Variants in RUNX2 observed in about 807,000 individuals in gnomAD.
The protein encoded by RUNX2 is RUNX family transcription factor 2.
Under a neutral mutation model 51.7 loss-of-function variants are expected in RUNX2, and 10 were observed. The observed-to-expected ratio is 0.19, with a 90% CI of 0.12 to 0.33. The LOEUF (loss-of-function observed/expected upper bound fraction) is 0.33, where lower values mean the gene tolerates loss of function less well. Ranked by LOEUF, RUNX2 falls within the 10% of genes least tolerant of loss-of-function variation. The pLI is 1.00. For synonymous variants in RUNX2, 276 were observed against 273.6 expected, an observed-to-expected ratio of 1.01 and a Z score of -0.09; for missense variants, 562 against 691.3, an observed-to-expected ratio of 0.81 and a Z score of 2.10.
chr6:45,402,058 T>C (rs1198028425), intron 2 of RUNX2, among the ~76,000 whole-genome samples: 3 of 152,188 alleles, frequency 2.0e-5, no homozygotes, highest in Admixed American at 2.0e-4. Flanking sequence ...TCAAGGAAAG[T>C]GTTGGTTAAT....
chr6:45,489,865 T>C (rs1350467756), intron 5 of RUNX2, among the ~76,000 whole-genome samples: 1 of 152,206 alleles, frequency 6.6e-6, no homozygotes, highest in South Asian at 2.1e-4. Context: ...ATTATTAACT[T>C]TGTAATTGAA....
intron 5 of RUNX2, among the ~76,000 whole-genome samples, chr6:45,490,925 A>T (rs1171573054): frequency 6.6e-6 from 1 of 152,218 alleles, no homozygotes; most frequent in East Asian, 1.9e-4. Context: ...TTAGCATTGC[A>T]TTTGTCCCCA....
At chr6:45,350,303 A>G (rs1370613035) in intron 2 of RUNX2, among the ~76,000 whole-genome samples, 3 of 152,212 alleles carry the variant, frequency 2.0e-5, no homozygotes, top group African/African-American at 7.2e-5. Context: ...GTATATAATA[A>G]TCTTCTAGAT....
At chr6:45,464,529 G>A (rs1464364782) in intron 5 of RUNX2, among the ~76,000 whole-genome samples, 4 of 152,066 alleles carry the variant, frequency 2.6e-5, no homozygotes, top group African/African-American at 4.8e-5. Flanking sequence ...TATCTACAGC[G>A]GCCCTTGGGT....
At chr6:45,492,248 G>A in intron 6 of RUNX2, 134 bp downstream of exon 6, 1 of 771,188 alleles carries the variant, frequency 1.3e-6, no homozygotes, top group Non-Finnish European at 2.2e-6. Context: ...AAGACTTGAA[G>A]ACACTGATTT....
At chr6:45,360,388 A>C (rs993823449) in intron 2 of RUNX2, among the ~76,000 whole-genome samples, 1 of 152,206 alleles carries the variant, frequency 6.6e-6, no homozygotes, top group Non-Finnish European at 1.5e-5. Flanking sequence ...GCACCCTTGG[A>C]ATTACAGTAT....
chr6:45,340,730 G>A (rs1789610857), intron 2 of RUNX2, among the ~76,000 whole-genome samples: 1 of 151,962 alleles, frequency 6.6e-6, no homozygotes, highest in Non-Finnish European at 1.5e-5. Context: ...TACTCTATGT[G>A]ATATAAAAAT....
Position 45,459,503 on chromosome 6 carries a change from G to A in RUNX2, c.685+21452G>A, listed in dbSNP as rs146272391. ...TTTGGAAGAATTAAAATATGGTCCT[G>A]GAGATAGTGCTATAATTAATAAACA... is the stretch of plus-strand genomic sequence containing the variant. On this transcript the variant is annotated intron_variant, in intron 5 of 8. Coordinates refer to ENST00000647337, the MANE Select transcript of RUNX2 (RefSeq NM_001024630.4). Among the ~76,000 whole-genome samples, 1,374 of 152,278 alleles carry A rather than the reference G, an allele frequency of 9.0e-3. 12 individuals are homozygous for A. The highest frequency in any genetic ancestry group is 0.013 in the Non-Finnish European group (895 of 68,022).
intron 2 of RUNX2, among the ~76,000 whole-genome samples, chr6:45,381,485 T>C (rs1797240423): frequency 6.6e-6 from 1 of 151,996 alleles, no homozygotes; most frequent in Non-Finnish European, 1.5e-5. Context: ...TGGAGTGAAG[T>C]CATGCAGTCA....
intron 2 of RUNX2, among the ~76,000 whole-genome samples, chr6:45,392,574 G>A (rs182691896): frequency 3.4e-4 from 51 of 152,220 alleles, no homozygotes; most frequent in East Asian, 3.3e-3. Context: ...TGTATAATCC[G>A]CATAATAATT....
rs569429851 is a variant in RUNX2 at position 45,479,032 on chromosome 6, G to T, written c.686-12909G>T. On this transcript the variant is annotated intron_variant, in intron 5 of 8. Coordinates refer to ENST00000647337, the MANE Select transcript of RUNX2 (RefSeq NM_001024630.4). Reference sequence around the variant, plus strand: ...CCTCCAGAGTAGCTGAGATTAAGGTGCACGCAATAGGACAGACTTTCTGTG... The same window carrying T: ...CCTCCAGAGTAGCTGAGATTAAGGTTCACGCAATAGGACAGACTTTCTGTG... Among the ~76,000 whole-genome samples the T allele has an allele frequency of 2.6e-5, 4 of 152,194 alleles. No homozygotes were observed. The South Asian group carries it at 8.3e-4, about 32-fold the overall frequency.
rs368537978 is a variant in RUNX2, at chr6:45,392,623, AG to A, written c.59-29967del. Among the ~76,000 whole-genome samples the A allele has an allele frequency of 4.6e-5, 7 of 152,208 alleles. No individual in the cohort carries two copies. The East Asian group carries it at 1.2e-3, about 25-fold the overall frequency. On this transcript the variant is annotated intron_variant, in intron 2 of 8. Coordinates refer to ENST00000647337, the MANE Select transcript of RUNX2 (RefSeq NM_001024630.4). ...CAGACAGCAAAGACTTTGGGTGGGG[AG>A]GGTCAGAAGAAAAAGAAGGGAGACC... is the stretch of plus-strand genomic sequence containing the variant.
intron 2 of RUNX2, among the ~76,000 whole-genome samples, chr6:45,415,836 T>A (rs2150358791): frequency 6.6e-6 from 1 of 151,280 alleles, no homozygotes; most frequent in East Asian, 1.9e-4. Context: ...TAAAAAAAGG[T>A]GAATTTGGAG....
At chr6:45,404,400 A>G (rs1797790114) in intron 2 of RUNX2, among the ~76,000 whole-genome samples, 1 of 151,658 alleles carries the variant, frequency 6.6e-6, no homozygotes, top group Non-Finnish European at 1.5e-5. Context: ...GGATGTCTCC[A>G]TTCCCCATGG....
chr6:45,368,162 C>G (rs549329415), intron 2 of RUNX2, among the ~76,000 whole-genome samples: 1 of 152,248 alleles, frequency 6.6e-6, no homozygotes, highest in African/African-American at 2.4e-5. Context: ...TTTCAGCTTT[C>G]AATTGAAAAT....
chr6:45,440,575 T>C (rs1798814868), intron 5 of RUNX2, among the ~76,000 whole-genome samples: 1 of 152,182 alleles, frequency 6.6e-6, no homozygotes, highest in Non-Finnish European at 1.5e-5. Flanking sequence ...AGCAAATACA[T>C]ACATTCATGG....
intron 7 of RUNX2, among the ~76,000 whole-genome samples, chr6:45,527,981 A>G (rs1801722712): frequency 1.3e-5 from 2 of 152,220 alleles, no homozygotes; most frequent in South Asian, 2.1e-4. Context: ...ACAGTTCCAC[A>G]TGGTTGGGGA....
At chr6:45,505,170 C>T (rs150145325) in intron 6 of RUNX2, among the ~76,000 whole-genome samples, 1 of 152,286 alleles carries the variant, frequency 6.6e-6, no homozygotes, top group East Asian at 1.9e-4. Flanking sequence ...AGCAGATCCT[C>T]CTTCACACCC....
chr6:45,408,964 A>C lies in RUNX2; in HGVS notation c.59-13629A>C, dbSNP rs1009795900. On this transcript the variant is annotated intron_variant, in intron 2 of 8. Coordinates refer to ENST00000647337, the MANE Select transcript of RUNX2 (RefSeq NM_001024630.4). The stretch of plus-strand genomic sequence containing the variant: ...AATATTGAGTGCCTGATATATGTTT[A>C]CTGTATGAATATTTGGTGCTCTTGG... 5.9e-5 allele frequency among the ~76,000 whole-genome samples: 9 copies of C among 152,340 alleles called. No homozygotes were observed. In the East Asian group the frequency reaches 1.7e-3, roughly 29 times the overall value.
Sources: gnomAD v4.1 joint callset for allele counts (sites outside exome capture counted in the v4.1 genomes callset) on GRCh38, gnomAD v4.1.1 for gene constraint, MANE v1.5 for transcripts, NCBI Gene and HGNC (gene_info 2026-07-23, HGNC 2026-07-21) for gene names.